The following PCBP3 variants were observed in gnomAD, a reference collection of about 807,000 sequenced individuals.
PCBP3 encodes poly(rC)-binding protein 3.
A neutral mutation model predicts 52.7 loss-of-function variants in PCBP3; 25 were observed. The ratio of observed to expected loss-of-function variants is 0.47; its 90% confidence interval spans 0.35 to 0.66. PCBP3 has a LOEUF of 0.66. Among genes scored for constraint, PCBP3 ranks in the 30% least tolerant of loss-of-function variants. The pLI is 0.01. For missense variants in PCBP3, 391 were observed against 490.3 expected (o/e 0.80, Z 1.91); for synonymous variants, 162 against 183.0 (o/e 0.89, Z 0.93).
intron 12 of PCBP3, chr21:45,915,940 C>T (rs2073331371): frequency 6.6e-6 from 1 of 152,290 alleles, no homozygotes; most frequent in Non-Finnish European, 1.5e-5. Flanking sequence ...GAGAGCTAAC[C>T]TGGAGGGCCC....
intron 1 of PCBP3, among the ~76,000 whole-genome samples, chr21:45,664,978 A>T (rs1418154855): frequency 6.6e-6 from 1 of 152,016 alleles, no homozygotes; most frequent in Non-Finnish European, 1.5e-5. Context: ...AGCATTTTGC[A>T]GTTGTCCTTG....
chr21:45,694,719 C>T (rs1603275352), intron 2 of PCBP3, among the ~76,000 whole-genome samples: 1 of 152,144 alleles, frequency 6.6e-6, no homozygotes, highest in South Asian at 2.1e-4. Flanking sequence ...TTCTATGTAG[C>T]AGCAGCAGTA....
chr21:45,715,894 T>A (rs926447022), intron 2 of PCBP3, among the ~76,000 whole-genome samples: 3 of 152,162 alleles, frequency 2.0e-5, no homozygotes, highest in Admixed American at 2.0e-4. Context: ...CTTATTAGAT[T>A]TGCCAAATTT....
intron 1 of PCBP3, among the ~76,000 whole-genome samples, chr21:45,651,332 T>C (rs760057198): frequency 1.3e-5 from 2 of 152,206 alleles, no homozygotes; most frequent in African/African-American, 4.8e-5. Context: ...TTTTTCTATT[T>C]ATAAAAGTAA....
chr21:45,659,078 G>T (rs2080209993), intron 1 of PCBP3, among the ~76,000 whole-genome samples: 4 of 138,188 alleles, frequency 2.9e-5, no homozygotes, highest in Admixed American at 7.3e-5. Flanking sequence ...CAGTTTCATT[G>T]GTCTTTTTTT....
At chr21:45,851,759 G>A (rs1305508582) in intron 5 of PCBP3, among the ~76,000 whole-genome samples, 29 of 152,136 alleles carry the variant, frequency 1.9e-4, no homozygotes. Flanking sequence ...AATAGGAAGT[G>A]CCAAAATAGA....
rs907888979 is a variant in PCBP3 at position 45,941,760 on chromosome 21, C to T, written c.*54C>T. The stretch of plus-strand genomic sequence containing the variant: ...CCCACCTGCCAGAGCCTAAGGCCCC[C>T]GGCTCTCGCACTCTGTACAGCCCAC... On this transcript the variant is annotated 3_prime_UTR_variant, in exon 18 of 18. Transcript: ENST00000681687. 2.4e-5 allele frequency: 35 copies of T among 1,473,646 alleles called. 1 individual carries two copies. The Middle Eastern group carries it at 7.0e-4, about 29-fold the overall frequency. The allele number at this position is 1,473,646 out of a possible 1,614,324, so 91.3% of individuals were successfully genotyped here.
At chr21:45,933,069 C>T (rs974231616) in intron 15 of PCBP3, among the ~76,000 whole-genome samples, 1 of 148,268 alleles carries the variant, frequency 6.7e-6, no homozygotes, top group Non-Finnish European at 1.5e-5. Flanking sequence ...ATGAACACAT[C>T]GGCCACGCCG....
Position 45,656,117 on chromosome 21 carries a change from A to G in PCBP3, c.-279+12249A>G, listed in dbSNP as rs907791873. Among the ~76,000 whole-genome samples the G allele has an allele frequency of 5.3e-5, 8 of 152,336 alleles. No individual in the cohort carries two copies. The East Asian group carries it at 1.5e-3, about 29-fold the overall frequency. Reference sequence around the variant, plus strand: ...TCAAGGATCTAGAACCAGAAATACCATTTGACCCAGCAATCCCATTACTGG... The same window carrying G: ...TCAAGGATCTAGAACCAGAAATACCGTTTGACCCAGCAATCCCATTACTGG... On this transcript the variant is annotated intron_variant, in intron 1 of 17. Coordinates refer to ENST00000681687, the MANE Select transcript of PCBP3 (RefSeq NM_001384156.1). The surrounding 1 kb of genome is among the most constrained non-coding windows in gnomAD (Gnocchi z 4.3).
At chr21:45,935,536 A>C (rs1429105021) in intron 16 of PCBP3, 1 of 657,634 alleles carries the variant, frequency 1.5e-6, no homozygotes, top group East Asian at 3.0e-5. Flanking sequence ...CAACAGGCTA[A>C]AGGGGACTTC....
chr21:45,766,504 G>A (rs548109841), intron 4 of PCBP3, among the ~76,000 whole-genome samples: 2 of 152,302 alleles, frequency 1.3e-5, no homozygotes, highest in Admixed American at 6.5e-5. Context: ...GAAGAACACC[G>A]GCACCAGATT....
intron 4 of PCBP3, among the ~76,000 whole-genome samples, chr21:45,774,388 C>CA (rs902926846): frequency 1.4e-3 from 150 of 108,670 alleles, no homozygotes; most frequent in East Asian, 1.8e-3. Flanking sequence ...GACTCCATCT[C>CA]AAAAAAAAAA....
rs1258731048 is a variant in PCBP3, at chr21:45,805,302, C to A, written c.-125-44659C>A. On this transcript the variant is annotated intron_variant, in intron 4 of 17. Coordinates refer to ENST00000681687, the MANE Select transcript of PCBP3 (RefSeq NM_001384156.1). This position sits in a 1 kb window ranked among gnomAD's most constrained non-coding sequence, Gnocchi z 4.6. ...GTCATTTGCTTGGGGGAGCTGAAAA[C>A]CCCCCAGGTGGTGTCTGGGGGGGAA... Among the ~76,000 whole-genome samples, 1 of 152,034 alleles carries A rather than the reference C, an allele frequency of 6.6e-6. No individual in the cohort carries two copies. Among genetic ancestry groups the A allele is most frequent in the Non-Finnish European group, 1.5e-5 (1 of 67,996 alleles).
intron 11 of PCBP3, among the ~76,000 whole-genome samples, chr21:45,912,773 C>T (rs1210502111): frequency 6.6e-6 from 1 of 152,164 alleles, no homozygotes; most frequent in African/African-American, 2.4e-5. Flanking sequence ...CTCCAGGAGC[C>T]GGGGAGGGCA....
At chr21:45,813,544 C>T (rs62214599) in intron 4 of PCBP3, among the ~76,000 whole-genome samples, 23,544 of 152,106 alleles carry the variant, frequency 0.15, 1,986 homozygotes, top group Middle Eastern at 0.31. Flanking sequence ...CAGGTTCAAG[C>T]GATTCTCCTG....
chr21:45,660,153 A>G (rs1603167143), intron 1 of PCBP3, among the ~76,000 whole-genome samples: 2 of 151,904 alleles, frequency 1.3e-5, no homozygotes, highest in East Asian at 3.9e-4. Flanking sequence ...ACACACATAT[A>G]TATATGTATA....
At chr21:45,832,592 G>T (rs1029227918) in intron 4 of PCBP3, 1 of 152,104 alleles carries the variant, frequency 6.6e-6, no homozygotes, top group Non-Finnish European at 1.5e-5. Context: ...TCCCACCCCC[G>T]TGGCCCCGTG....
At chr21:45,807,273 G>T (rs529086295) in intron 4 of PCBP3, among the ~76,000 whole-genome samples, 192 of 152,320 alleles carry the variant, frequency 1.3e-3, no homozygotes, top group African/African-American at 4.5e-3. Flanking sequence ...TGACATGATT[G>T]TATATTTAGA....
At chr21:45,685,679 C>A (rs962674855) in intron 2 of PCBP3, among the ~76,000 whole-genome samples, 10 of 152,156 alleles carry the variant, frequency 6.6e-5, no homozygotes, top group African/African-American at 2.4e-4. Flanking sequence ...CAGAGCCTTA[C>A]AGCATAACTG....
Sources: allele counts gnomAD v4.1 joint callset (sites outside exome capture counted in the v4.1 genomes callset), GRCh38; gene constraint gnomAD v4.1.1; non-coding constraint Gnocchi (gnomAD v3.1); transcripts MANE v1.5; gene names NCBI Gene and HGNC (gene_info 2026-07-23, HGNC 2026-07-21).